SLIT1: variants seen among roughly 807,000 people sequenced by gnomAD.
SLIT1 encodes the protein slit guidance ligand 1.
SLIT1 carries 66 observed loss-of-function variants against 186.1 expected under a neutral mutation model. The ratio of observed to expected loss-of-function variants is 0.35; its 90% CI spans 0.29 to 0.44. The LOEUF (loss-of-function observed/expected upper bound fraction) is 0.44. Among genes scored for constraint, SLIT1 ranks in the 20% least tolerant of loss-of-function variants. SLIT1 has a pLI of 1.00. For missense variants in SLIT1, 1,638 were observed against 2,037.4 expected, an observed-to-expected ratio of 0.80 and a Z score of 3.77; for synonymous variants, 761 against 833.8, an observed-to-expected ratio of 0.91 and a Z score of 1.50.
chr10:97,076,948 TC>T (rs1849051667), intron 4 of SLIT1, among the ~76,000 whole-genome samples: 1 of 152,120 alleles, frequency 6.6e-6, no homozygotes. Flanking sequence ...TTTAATCTGG[TC>T]CTCTACTTCT....
intron 4 of SLIT1, among the ~76,000 whole-genome samples, chr10:97,107,290 G>A (rs934382377): frequency 2.0e-5 from 3 of 152,200 alleles, no homozygotes; most frequent in Non-Finnish European, 4.4e-5. Context: ...CTTTGTCAAC[G>A]GTAACGTGTT....
intron 4 of SLIT1, among the ~76,000 whole-genome samples, chr10:97,088,996 T>A (rs1447760916): frequency 6.6e-6 from 1 of 152,186 alleles, no homozygotes; most frequent in African/African-American, 2.4e-5. Flanking sequence ...CCCCGGCCAC[T>A]TGCCCAGCCT....
intron 4 of SLIT1, among the ~76,000 whole-genome samples, chr10:97,149,555 G>C (rs957175348): frequency 6.6e-6 from 1 of 152,086 alleles, no homozygotes; most frequent in Non-Finnish European, 1.5e-5. Context: ...TCTCAAGCAC[G>C]AGCCAGATAA....
intron 23 of SLIT1, among the ~76,000 whole-genome samples, chr10:97,032,629 G>A (rs538599969): frequency 6.6e-6 from 1 of 151,842 alleles, no homozygotes; most frequent in Admixed American, 6.6e-5. Context: ...AGTTTCCAGA[G>A]CCCACAGGCT....
intron 28 of SLIT1, among the ~76,000 whole-genome samples, chr10:97,015,194 C>T (rs1848444889): frequency 6.6e-6 from 1 of 152,170 alleles, no homozygotes; most frequent in African/African-American, 2.4e-5. Flanking sequence ...CAGCCCCAGC[C>T]CTTACAGACT....
chr10:97,064,374 C>T (rs1360037588), intron 6 of SLIT1, 135 bp from the exon 7 acceptor site: 1 of 740,898 alleles, frequency 1.3e-6, no homozygotes, highest in Non-Finnish European at 2.4e-6. Flanking sequence ...AGGAGCTAAG[C>T]CGAAGAGCAT....
At chr10:97,179,023 A>C (rs1850294866) in intron 1 of SLIT1, among the ~76,000 whole-genome samples, 1 of 152,044 alleles carries the variant, frequency 6.6e-6, no homozygotes, top group South Asian at 2.1e-4. Flanking sequence ...GAATGCTCCC[A>C]AACTCCCTTA....
chr10:97,058,056 G>A, intron 11 of SLIT1: 2 of 717,506 alleles, frequency 2.8e-6, no homozygotes, highest in Non-Finnish European at 5.2e-6. Flanking sequence ...GCCCTGCAGT[G>A]GGAGCTGTGT....
chr10:97,033,075 G>T (rs981160634), intron 23 of SLIT1, among the ~76,000 whole-genome samples: 2 of 149,874 alleles, frequency 1.3e-5, no homozygotes, highest in Non-Finnish European at 3.0e-5. Context: ...TTGAGACAAG[G>T]TCCAGCTCTG....
intron 4 of SLIT1, among the ~76,000 whole-genome samples, chr10:97,066,547 T>C (rs1848948347): frequency 6.6e-6 from 1 of 152,114 alleles, no homozygotes; most frequent in African/African-American, 2.4e-5. Context: ...CTCGATGGCA[T>C]GTGAGTTCCG....
chr10:97,126,719 T>A (rs1416564929), intron 4 of SLIT1, among the ~76,000 whole-genome samples: 1 of 152,180 alleles, frequency 6.6e-6, no homozygotes, highest in African/African-American at 2.4e-5. Context: ...ATTTGTGGAA[T>A]ACATGAATGA....
chr10:97,124,481 G>C (rs1401532460), intron 4 of SLIT1, among the ~76,000 whole-genome samples: 1 of 152,214 alleles, frequency 6.6e-6, no homozygotes, highest in Non-Finnish European at 1.5e-5. Flanking sequence ...AATAATGCCA[G>C]CTGGATCTCC....
At chr10:97,011,883 C>A (rs116717678) in intron 30 of SLIT1, among the ~76,000 whole-genome samples, 4 of 152,160 alleles carry the variant, frequency 2.6e-5, no homozygotes, top group African/African-American at 7.2e-5. Flanking sequence ...CAGCCCAATA[C>A]CTCACCTCCT....
chr10:97,092,679 C>A (rs1849245889), intron 4 of SLIT1, among the ~76,000 whole-genome samples: 1 of 152,348 alleles, frequency 6.6e-6, no homozygotes, highest in Admixed American at 6.5e-5. Context: ...GGAAGAGAGA[C>A]TGGTGTATAG....
At chr10:97,106,537 C>T (rs1849417087) in intron 4 of SLIT1, among the ~76,000 whole-genome samples, 1 of 152,136 alleles carries the variant, frequency 6.6e-6, no homozygotes, top group South Asian at 2.1e-4. Flanking sequence ...GTTTATTGCC[C>T]AGTGCAGCGC....
At position 97,068,808 on chromosome 10, in the gene SLIT1, A is replaced by C. The variant is rs1848976181; in HGVS notation, c.414-2722T>G. Among the ~76,000 whole-genome samples, 1 of 152,058 alleles carries C rather than the reference A, an allele frequency of 6.6e-6. No homozygotes were observed. The highest frequency in any genetic ancestry group is 2.1e-4 in the South Asian group (1 of 4,818). ...GTCAGTATTCCTGGAGACATTCCCC[A>C]GATTCCGCCCATTTAGGCTACTCCC... On this transcript the variant is annotated intron_variant, in intron 4 of 36. Transcript: ENST00000266058. The surrounding 1 kb of genome is among the most constrained non-coding windows in gnomAD (Gnocchi z 4.2).
chr10:97,098,334 C>T (rs1849313266), intron 4 of SLIT1, among the ~76,000 whole-genome samples: 1 of 152,214 alleles, frequency 6.6e-6, no homozygotes, highest in Non-Finnish European at 1.5e-5. Flanking sequence ...CTGGGGAAGA[C>T]AGGCTGAGGA....
chr10:97,119,770 C>CATCAGCTAG (rs1219453388), intron 4 of SLIT1, among the ~76,000 whole-genome samples: 1 of 151,558 alleles, frequency 6.6e-6, no homozygotes, highest in Non-Finnish European at 1.5e-5. Context: ...CATTTCACCC[C>CATCAGCTAG]ATCAGCTAGA....
At chr10:97,016,096 G>A (rs749417042) in intron 28 of SLIT1, among the ~76,000 whole-genome samples, 42 of 152,304 alleles carry the variant, frequency 2.8e-4, no homozygotes, top group South Asian at 2.1e-4. Flanking sequence ...ATCCCTTGAG[G>A]TCAGGAGTTT....
Sources: gnomAD v4.1 joint callset for allele counts (sites outside exome capture counted in the v4.1 genomes callset) on GRCh38, gnomAD v4.1.1 for gene constraint, Gnocchi (gnomAD v3.1) non-coding constraint, MANE v1.5 for transcripts, NCBI Gene and HGNC (gene_info 2026-07-23, HGNC 2026-07-21) for gene names.